The following DGKI variants were observed in gnomAD, a reference collection of about 807,000 sequenced individuals.
DGKI encodes the protein DAG kinase iota.
In DGKI, 55 loss-of-function variants were observed where a neutral mutation model predicts 147.5. The ratio of observed to expected loss-of-function variants is 0.37; its 90% CI spans 0.30 to 0.47. DGKI has a LOEUF of 0.47. Among genes scored for constraint, DGKI ranks in the 20% least tolerant of loss-of-function variants. The probability of loss-of-function intolerance (pLI) is 1.00; values close to 1 mark genes in which losing one functional copy is unlikely to be tolerated. For synonymous variants in DGKI, 469 were observed against 477.1 expected (o/e 0.98, Z 0.22); for missense variants, 1,007 against 1,323.8 (o/e 0.76, Z 3.71).
At position 137,382,364 on chromosome 7, in the gene DGKI, G is replaced by A. The variant is rs1275226914; in HGVS notation, c.*8856C>T. Reference sequence around the variant, plus strand: ...TCCTTATTTTTTTCAAACTTTATCAGGGACCAGAACAAGTTTGTGGACAGG... The same window carrying A: ...TCCTTATTTTTTTCAAACTTTATCAAGGACCAGAACAAGTTTGTGGACAGG... On this transcript the variant is annotated 3_prime_UTR_variant, in exon 33 of 33. Coordinates refer to ENST00000614521, the MANE Select transcript of DGKI (RefSeq NM_001321708.2). 6.6e-6 allele frequency: 1 copy of A among 151,922 alleles called. No homozygotes were observed. The highest frequency in any genetic ancestry group is 6.6e-5 in the Admixed American group (1 of 15,236). 9.4% of individuals were successfully genotyped at this position (151,922 alleles called of 1,614,324 possible). A position where few individuals can be genotyped will look rare whatever the true frequency, so the allele number is the denominator to read the frequency against.
chr7:137,421,474 G>A (rs1201925624), intron 28 of DGKI, among the ~76,000 whole-genome samples: 1 of 152,186 alleles, frequency 6.6e-6, no homozygotes, highest in East Asian at 1.9e-4. Context: ...AGAGATTTCT[G>A]TTTGGAGAAA....
chr7:137,716,208 G>A (rs1206786987), intron 1 of DGKI, among the ~76,000 whole-genome samples: 1 of 152,068 alleles, frequency 6.6e-6, no homozygotes, highest in Non-Finnish European at 1.5e-5. Flanking sequence ...TAGTTCTCTG[G>A]GAATCACGGA....
At chr7:137,604,045 T>A (rs115249222) in intron 10 of DGKI, among the ~76,000 whole-genome samples, 2,244 of 152,282 alleles carry the variant, frequency 0.015, 67 homozygotes, top group African/African-American at 0.051. Context: ...GAACCAGACC[T>A]ATCACAGGAG....
At chr7:137,648,228 G>GT (rs1821899284) in intron 5 of DGKI, among the ~76,000 whole-genome samples, 1 of 152,184 alleles carries the variant, frequency 6.6e-6, no homozygotes, top group African/African-American at 2.4e-5. Flanking sequence ...AAAAAAATCT[G>GT]TAATTATTGA....
intron 20 of DGKI, among the ~76,000 whole-genome samples, chr7:137,538,980 C>T (rs527988254): frequency 2.4e-4 from 36 of 152,170 alleles, no homozygotes; most frequent in African/African-American, 8.4e-4. Context: ...TGGCAAAATG[C>T]TTGTGCTCCA....
Position 137,846,171 on chromosome 7 carries a change from A to T in DGKI, c.401+291T>A, listed in dbSNP as rs868777318. ...CTCTCTCTCTCTCTCTCACACACACACACACACACACACACACACACACAC... is the reference window on the plus strand; with the variant it reads ...CTCTCTCTCTCTCTCTCACACACACTCACACACACACACACACACACACAC... On this transcript the variant is annotated intron_variant, in intron 1 of 32. Coordinates refer to ENST00000614521, the MANE Select transcript of DGKI (RefSeq NM_001321708.2). This position sits in a 1 kb window ranked among gnomAD's most constrained non-coding sequence, Gnocchi z 4.0. Among the ~76,000 whole-genome samples, 2,892 of 107,374 alleles carry T rather than the reference A, an allele frequency of 0.027. 73 individuals are homozygous for T. The highest frequency in any genetic ancestry group is 0.099 in the African/African-American group (2,583 of 26,072). The allele number at this position is 107,374 out of a possible 152,430, so 70.4% of individuals were successfully genotyped here. A position where few individuals can be genotyped will look rare whatever the true frequency, so the allele number is the denominator to read the frequency against.
chr7:137,623,717 T>C (rs551954513), intron 6 of DGKI, among the ~76,000 whole-genome samples, 163 bp from the exon 7 acceptor site: 1 of 152,136 alleles, frequency 6.6e-6, no homozygotes, highest in African/African-American at 2.4e-5. Context: ...CACCACACTC[T>C]CCACTTTCTG....
chr7:137,483,282 C>T lies in DGKI; in HGVS notation c.2373+2092G>A, dbSNP rs1585158719. Among the ~76,000 whole-genome samples, 5 of 151,510 alleles carry T rather than the reference C, an allele frequency of 3.3e-5. No individual in the cohort carries two copies. In the South Asian group the frequency reaches 1.0e-3, roughly 31 times the overall value. On this transcript the variant is annotated intron_variant, in intron 23 of 32. Coordinates refer to ENST00000614521, the MANE Select transcript of DGKI (RefSeq NM_001321708.2). Reference sequence around the variant, plus strand: ...AATAAAAGTAGTTTCATAAACCTAGCTAGGATAAATCTAACATATTTTGAT... The same window carrying T: ...AATAAAAGTAGTTTCATAAACCTAGTTAGGATAAATCTAACATATTTTGAT...
At chr7:137,615,269 C>T (rs183787115) in intron 8 of DGKI, among the ~76,000 whole-genome samples, 164 of 152,204 alleles carry the variant, frequency 1.1e-3, no homozygotes, top group African/African-American at 3.8e-3. Context: ...AGGATTTACA[C>T]ACAGCTGAAT....
chr7:137,623,859 T>G (rs907426315), intron 6 of DGKI, among the ~76,000 whole-genome samples: 2 of 152,218 alleles, frequency 1.3e-5, no homozygotes. Flanking sequence ...GTTGTTCTGA[T>G]ATGTTTTTAT....
chr7:137,691,362 T>C (rs1823597060), intron 1 of DGKI, among the ~76,000 whole-genome samples: 1 of 152,178 alleles, frequency 6.6e-6, no homozygotes, highest in Non-Finnish European at 1.5e-5. Context: ...CTGCCATCTC[T>C]GAGATGAGGC....
intron 1 of DGKI, among the ~76,000 whole-genome samples, chr7:137,705,429 T>A (rs763403263): frequency 2.0e-5 from 3 of 151,992 alleles, no homozygotes; most frequent in African/African-American, 2.4e-5. Flanking sequence ...ACAACATGAA[T>A]GAATCTCAGA....
At chr7:137,590,263 A>G (rs1413084980) in intron 12 of DGKI, among the ~76,000 whole-genome samples, 1 of 152,208 alleles carries the variant, frequency 6.6e-6, no homozygotes, top group African/African-American at 2.4e-5. Context: ...AAGGAATGTG[A>G]AAACCAGTCT....
chr7:137,549,701 T>C (rs1817982073), intron 20 of DGKI, among the ~76,000 whole-genome samples: 1 of 152,176 alleles, frequency 6.6e-6, no homozygotes, highest in South Asian at 2.1e-4. Flanking sequence ...ACTCAGAAGG[T>C]GGAAGAACAC....
At chr7:137,766,197 C>T (rs915225325) in intron 1 of DGKI, among the ~76,000 whole-genome samples, 2 of 152,112 alleles carry the variant, frequency 1.3e-5, no homozygotes, top group African/African-American at 2.4e-5. Context: ...TGAACCCTCC[C>T]GTTATTCTGA....
chr7:137,543,053 A>G (rs920884004), intron 20 of DGKI, among the ~76,000 whole-genome samples: 1 of 152,222 alleles, frequency 6.6e-6, no homozygotes, highest in African/African-American at 2.4e-5. Flanking sequence ...AGGGAAACAG[A>G]ACCTAATGAG....
intron 11 of DGKI, among the ~76,000 whole-genome samples, chr7:137,598,758 G>A (rs1474969976): frequency 6.6e-6 from 1 of 151,946 alleles, no homozygotes; most frequent in Non-Finnish European, 1.5e-5. Flanking sequence ...TCTCTCTAGG[G>A]TCTAACTAAA....
intron 5 of DGKI, among the ~76,000 whole-genome samples, chr7:137,651,089 C>A (rs546461909): frequency 6.6e-6 from 1 of 152,280 alleles, no homozygotes; most frequent in South Asian, 2.1e-4. Context: ...AGTTTTAAGC[C>A]AGGGAAAATT....
At chr7:137,744,643 A>G (rs1283306098) in intron 1 of DGKI, among the ~76,000 whole-genome samples, 1 of 152,180 alleles carries the variant, frequency 6.6e-6, no homozygotes, top group African/African-American at 2.4e-5. Flanking sequence ...AAATATCCTC[A>G]ATAAAACACT....
Sources: gnomAD v4.1 joint callset for allele counts (sites outside exome capture counted in the v4.1 genomes callset) on GRCh38, gnomAD v4.1.1 for gene constraint, Gnocchi (gnomAD v3.1) non-coding constraint, MANE v1.5 for transcripts, NCBI Gene and HGNC (gene_info 2026-07-23, HGNC 2026-07-21) for gene names.